The following TBXAS1 variants were observed in gnomAD, a reference collection of about 807,000 sequenced individuals.
TBXAS1 encodes thromboxane A synthase 1.
TBXAS1 carries 48 observed loss-of-function variants against 60.7 expected under a neutral mutation model. The observed-to-expected ratio is 0.79, with a 90% CI of 0.63 to 1.01. The LOEUF is 1.01. TBXAS1 is among the 50% of genes least tolerant of loss of function. TBXAS1 has a pLI of 0.00. For synonymous variants in TBXAS1, 287 were observed against 269.7 expected, an observed-to-expected ratio of 1.06 and a Z score of -0.63; for missense variants, 685 against 686.3, an observed-to-expected ratio of 1.00 and a Z score of 0.02.
upstream of TBXAS1, among the ~76,000 whole-genome samples, chr7:139,825,915 T>C (rs1798425232): frequency 6.6e-6 from 1 of 152,230 alleles, no homozygotes; most frequent in Admixed American, 6.5e-5. Flanking sequence ...AGATTTCCAA[T>C]GCATATTAGC....
At chr7:139,983,521 T>C (rs1198394627) in intron 9 of TBXAS1, among the ~76,000 whole-genome samples, 2 of 152,248 alleles carry the variant, frequency 1.3e-5, no homozygotes, top group African/African-American at 2.4e-5. Flanking sequence ...CCCTCTGTCA[T>C]CAGGATGCAG....
intron 9 of TBXAS1, among the ~76,000 whole-genome samples, chr7:140,000,034 C>CTG (rs149391533): frequency 2.6e-5 from 4 of 151,738 alleles, no homozygotes; most frequent in African/African-American, 4.8e-5. Flanking sequence ...AGGTGTGTGA[C>CTG]TGTGTGTGTG....
At chr7:139,940,075 G>A (rs1808163311) in intron 5 of TBXAS1, among the ~76,000 whole-genome samples, 2 of 152,192 alleles carry the variant, frequency 1.3e-5, no homozygotes, top group African/African-American at 2.4e-5. Flanking sequence ...CAAGGAAGTA[G>A]TTGCTTGATT....
intron 3 of TBXAS1, among the ~76,000 whole-genome samples, chr7:139,904,057 A>G (rs1391548234): frequency 7.9e-5 from 12 of 151,940 alleles, no homozygotes; most frequent in Admixed American, 7.9e-4. Flanking sequence ...TTTTTCTAAT[A>G]TTATCTTCTA....
At chr7:139,876,046 G>A (rs974638314) in intron 3 of TBXAS1, among the ~76,000 whole-genome samples, 2 of 152,188 alleles carry the variant, frequency 1.3e-5, no homozygotes, top group African/African-American at 2.4e-5. Flanking sequence ...ACTCAGACTC[G>A]GGTCCTTCAG....
intron 4 of TBXAS1, among the ~76,000 whole-genome samples, chr7:139,914,361 T>C (rs1042242130): frequency 3.3e-5 from 5 of 152,092 alleles, no homozygotes; most frequent in Non-Finnish European, 7.4e-5. Context: ...AAAAAAGAGC[T>C]GGGGCAGCTC....
At position 139,880,844 on chromosome 7, in the gene TBXAS1, A is replaced by C. The variant is rs182170278; in HGVS notation, c.236+5207A>C. 2.6e-5 allele frequency among the ~76,000 whole-genome samples: 4 copies of C among 152,332 alleles called. No individual in the cohort carries two copies. In the East Asian group the frequency reaches 7.7e-4, roughly 29 times the overall value. On this transcript the variant is annotated intron_variant, in intron 3 of 12. Transcript: ENST00000448866. ...TTCCTAGAAATGGAATTATTAGGTC[A>C]AAGATGGTCTATGTTTTTAATTTCG... is the stretch of plus-strand genomic sequence containing the variant.
chr7:139,848,494 T>C (rs1799978469), intron 1 of TBXAS1, among the ~76,000 whole-genome samples: 1 of 152,166 alleles, frequency 6.6e-6, no homozygotes, highest in Admixed American at 6.6e-5. Context: ...CCCAAGCTCA[T>C]TGGCAAATGA....
intron 1 of TBXAS1, among the ~76,000 whole-genome samples, chr7:139,859,136 A>G (rs996286555): frequency 4.0e-5 from 6 of 151,852 alleles, no homozygotes; most frequent in Non-Finnish European, 8.8e-5. Context: ...CTGCCTCCCA[A>G]AGTGCTGGGA....
intron 4 of TBXAS1, 85 bp from the exon 5 acceptor site, chr7:139,936,106 C>T: frequency 5.6e-6 from 7 of 1,257,160 alleles, no homozygotes; most frequent in Non-Finnish European, 8.2e-6. Context: ...GGACTTTAAC[C>T]AGGGTGTTTG....
intron 9 of TBXAS1, among the ~76,000 whole-genome samples, chr7:139,984,901 A>C (rs1254425046): frequency 7.3e-6 from 1 of 136,612 alleles, no homozygotes; most frequent in Non-Finnish European, 1.6e-5. Context: ...GCAGCAAAGA[A>C]AGAAAGGAAA....
intron 5 of TBXAS1, among the ~76,000 whole-genome samples, chr7:139,951,663 C>T (rs1187538777): frequency 7.0e-6 from 1 of 143,144 alleles, no homozygotes; most frequent in Non-Finnish European, 1.5e-5. Context: ...ATCCCAGCTA[C>T]TTGGGAGGCT....
At chr7:139,972,698 T>C (rs998765228) in intron 9 of TBXAS1, among the ~76,000 whole-genome samples, 9 of 152,050 alleles carry the variant, frequency 5.9e-5, no homozygotes, top group South Asian at 2.1e-4. Flanking sequence ...AAATTTTCCA[T>C]TGGGAGGCCC....
At chr7:139,971,248 GCCCCTCCTC>G (rs1811171211) in intron 9 of TBXAS1, among the ~76,000 whole-genome samples, 1 of 152,072 alleles carries the variant, frequency 6.6e-6, no homozygotes, top group African/African-American at 2.4e-5. Context: ...TATCAGAAAG[GCCCCTCCTC>G]CCAGCCCGTG....
chr7:139,908,651 T>C (rs1805290621), intron 3 of TBXAS1, among the ~76,000 whole-genome samples: 1 of 152,192 alleles, frequency 6.6e-6, no homozygotes, highest in Non-Finnish European at 1.5e-5. Context: ...GTATATCTTC[T>C]AAGTGCATTG....
intron 4 of TBXAS1, chr7:139,913,264 C>G: frequency 3.1e-6 from 2 of 643,872 alleles, no homozygotes; most frequent in South Asian, 1.6e-5. Context: ...CCCTGGAAGC[C>G]GTCTGTCAAG....
At chr7:139,868,771 C>T (rs1334153242) in intron 1 of TBXAS1, among the ~76,000 whole-genome samples, 2 of 151,514 alleles carry the variant, frequency 1.3e-5, no homozygotes, top group Non-Finnish European at 1.5e-5. Context: ...ATTCTCGTGC[C>T]TTAGCCTCCC....
intron 3 of TBXAS1, among the ~76,000 whole-genome samples, chr7:139,877,927 A>G (rs1307559566): frequency 1.3e-5 from 2 of 152,194 alleles, no homozygotes; most frequent in Non-Finnish European, 2.9e-5. Flanking sequence ...GCACTGACTC[A>G]GAATGACAGT....
At chr7:139,860,864 A>G (rs1474396854) in intron 1 of TBXAS1, among the ~76,000 whole-genome samples, 3 of 152,242 alleles carry the variant, frequency 2.0e-5, no homozygotes, top group South Asian at 2.1e-4. Context: ...GTTGGGAAAT[A>G]TAAGTTTACC....
Sources: allele counts gnomAD v4.1 joint callset (sites outside exome capture counted in the v4.1 genomes callset), GRCh38; gene constraint gnomAD v4.1.1; transcripts MANE v1.5; gene names NCBI Gene and HGNC (gene_info 2026-07-23, HGNC 2026-07-21).